Variants in RYR2 observed in about 807,000 individuals in gnomAD.
The protein encoded by RYR2 is ryanodine receptor 2, also known as cardiac muscle ryanodine receptor-calcium release channel.
Under a neutral mutation model 601.1 loss-of-function variants are expected in RYR2, and 227 were observed. That is an observed-to-expected ratio of 0.38 (90% CI 0.34 to 0.42). The LOEUF is 0.42. RYR2 is among the 10% of genes least tolerant of loss of function. The probability of loss-of-function intolerance (pLI) is 1.00; values close to 1 mark genes in which losing one functional copy is unlikely to be tolerated. For synonymous variants in RYR2, 2,223 were observed against 2,175.1 expected (o/e 1.02, Z -0.61); for missense variants, 4,646 against 6,156.5 (o/e 0.75, Z 8.21).
chr1:237,667,151 TG>T (rs1684399468), intron 57 of RYR2, among the ~76,000 whole-genome samples: 1 of 152,172 alleles, frequency 6.6e-6, no homozygotes, highest in Non-Finnish European at 1.5e-5. Context: ...GAACCTACTT[TG>T]AAATAGCAGA....
intron 87 of RYR2, among the ~76,000 whole-genome samples, chr1:237,778,165 C>A (rs1694811238): frequency 6.6e-6 from 1 of 152,090 alleles, no homozygotes; most frequent in African/African-American, 2.4e-5. Flanking sequence ...ATTGGTTGTA[C>A]CATTTGTAAA....
intron 14 of RYR2, among the ~76,000 whole-genome samples, chr1:237,452,095 G>A (rs61361073): frequency 0.041 from 6,076 of 146,990 alleles, 163 homozygotes; most frequent in East Asian, 0.098. Flanking sequence ...GTGTGTGTGT[G>A]TGTGTGTGTG....
Position 237,577,672 on chromosome 1 carries a change from C to T in RYR2, c.3598+8353C>T, listed in dbSNP as rs1019876410. On this transcript the variant is annotated intron_variant, in intron 29 of 104. Coordinates refer to ENST00000366574, the MANE Select transcript of RYR2 (RefSeq NM_001035.3). Reference sequence around the variant, plus strand: ...CAGGGCCTCCAGAAGGAACTCAGCCCTGTTGAGCAATAGGTTGGTAGATAC... The same window carrying T: ...CAGGGCCTCCAGAAGGAACTCAGCCTTGTTGAGCAATAGGTTGGTAGATAC... Among the ~76,000 whole-genome samples the T allele has an allele frequency of 1.6e-4, 25 of 151,524 alleles. No individual in the cohort carries two copies. The East Asian group carries it at 2.2e-3, about 13-fold the overall frequency.
rs548264850 is a variant in RYR2, at chr1:237,097,518, T to C, written c.48+54949T>C. ...GTAAGTCTGGCCTCTGGGTCTCTGG[T>C]ATATTTACAAAGATTTAAACGTAAT... On this transcript the variant is annotated intron_variant, in intron 1 of 104. Coordinates refer to ENST00000366574, the MANE Select transcript of RYR2 (RefSeq NM_001035.3). Among the ~76,000 whole-genome samples, 134 of 152,332 alleles carry C rather than the reference T, an allele frequency of 8.8e-4. 2 individuals carry two copies. The highest frequency in any genetic ancestry group is 6.8e-3 in the Middle Eastern group (2 of 294).
In RYR2 at chr1:237,614,304, A is replaced by G. The variant is rs764065333; in HGVS notation, c.5176A>G (p.Ile1726Val). Reference sequence around the variant, plus strand: ...CAGGCTCATGATGAACAACGAGTACATTGTCCCCATGACGGAGGAGACGAA... The same window carrying G: ...CAGGCTCATGATGAACAACGAGTACGTTGTCCCCATGACGGAGGAGACGAA... ...TARLMMNNEY[I>V]VPMTEETKSI... Residue 1726 changes from isoleucine to valine, a missense_variant, in exon 37 of 105, where the codon ATT becomes GTT. Around this residue, in one of 17 missense-constraint regions of RYR2, gnomAD observed 1,807 missense variants for 2,088.1 expected, o/e 0.87. Coordinates refer to ENST00000366574, the MANE Select transcript of RYR2 (RefSeq NM_001035.3). This position sits in a 1 kb window ranked among gnomAD's most constrained non-coding sequence, Gnocchi z 4.3. The G allele has an allele frequency of 4.3e-6, 7 of 1,614,024 alleles. No individual in the cohort carries two copies. Among genetic ancestry groups the G allele is most frequent in the Non-Finnish European group, 5.9e-6 (7 of 1,179,898 alleles).
intron 84 of RYR2, among the ~76,000 whole-genome samples, chr1:237,767,192 G>C (rs1408245376): frequency 6.6e-6 from 1 of 152,086 alleles, no homozygotes; most frequent in African/African-American, 2.4e-5. Flanking sequence ...GTTTTCCTTT[G>C]ATTCTTAAAT....
At chr1:237,761,951 T>C (rs1260970356) in intron 84 of RYR2, among the ~76,000 whole-genome samples, 2 of 152,212 alleles carry the variant, frequency 1.3e-5, no homozygotes, top group Non-Finnish European at 2.9e-5. Flanking sequence ...TTTATTTCTC[T>C]GAAATATTTT....
intron 84 of RYR2, among the ~76,000 whole-genome samples, chr1:237,761,909 T>A (rs1693461477): frequency 6.6e-6 from 1 of 152,190 alleles, no homozygotes; most frequent in Non-Finnish European, 1.5e-5. Flanking sequence ...CAAAAAATAA[T>A]TTTTTCTCCC....
chr1:237,160,792 A>C (rs968592366), intron 1 of RYR2, among the ~76,000 whole-genome samples: 3 of 152,156 alleles, frequency 2.0e-5, no homozygotes, highest in Admixed American at 6.5e-5. Flanking sequence ...TAAGAAACTA[A>C]GAGTTGATTC....
chr1:237,690,872 C>G (rs1404119050), intron 63 of RYR2, among the ~76,000 whole-genome samples: 1 of 152,114 alleles, frequency 6.6e-6, no homozygotes, highest in Non-Finnish European at 1.5e-5. Flanking sequence ...ACACCCATTT[C>G]CAGAATGAAT....
At chr1:237,649,785 G>T in intron 49 of RYR2, 92 bp from the exon 50 acceptor site, 1 of 1,025,048 alleles carries the variant, frequency 9.8e-7, no homozygotes, top group Admixed American at 2.1e-5. Flanking sequence ...ATCATCTTCC[G>T]GATAGTGAAA....
chr1:237,703,744 G>T (rs1425521239), intron 66 of RYR2, among the ~76,000 whole-genome samples: 1 of 151,268 alleles, frequency 6.6e-6, no homozygotes, highest in Non-Finnish European at 1.5e-5. Flanking sequence ...CTTCCCCTTA[G>T]TTTTATTATT....
chr1:237,651,741 A>G (rs1682752444), intron 51 of RYR2, among the ~76,000 whole-genome samples: 2 of 152,186 alleles, frequency 1.3e-5, no homozygotes, highest in African/African-American at 2.4e-5. Context: ...AATCAATTGA[A>G]AAAAAAGGAC....
intron 1 of RYR2, among the ~76,000 whole-genome samples, chr1:237,198,882 G>A (rs1350274337): frequency 3.3e-5 from 5 of 150,818 alleles, no homozygotes; most frequent in Admixed American, 6.6e-5. Context: ...TAGTCCATGC[G>A]TGAATTAAGA....
chr1:237,638,938 T>G, intron 45 of RYR2, 77 bp from the exon 46 acceptor site: 1 of 1,478,830 alleles, frequency 6.8e-7, no homozygotes, highest in South Asian at 1.2e-5. Flanking sequence ...ACATAGGAAA[T>G]GATTAGTATA....
At chr1:237,190,655 G>T (rs1015463114) in intron 1 of RYR2, among the ~76,000 whole-genome samples, 1 of 152,112 alleles carries the variant, frequency 6.6e-6, no homozygotes, top group African/African-American at 2.4e-5. Context: ...TTATATAACA[G>T]TCACATGGTA....
chr1:237,417,344 A>C (rs1017404062), intron 11 of RYR2, among the ~76,000 whole-genome samples: 23 of 152,040 alleles, frequency 1.5e-4, no homozygotes, highest in African/African-American at 5.6e-4. Context: ...GAAATAAGCA[A>C]TAATTTTGTA....
chr1:237,352,809 C>A (rs1324339885), intron 3 of RYR2: 1 of 499,118 alleles, frequency 2.0e-6, no homozygotes, highest in Admixed American at 2.0e-5. Flanking sequence ...AGTGACAATG[C>A]AGTGCTAATG....
At chr1:237,087,038 C>T (rs1666415604) in intron 1 of RYR2, among the ~76,000 whole-genome samples, 1 of 152,126 alleles carries the variant, frequency 6.6e-6, no homozygotes, top group Admixed American at 6.5e-5. Context: ...TTTTCATGGC[C>T]ACTGACCTTG....
Sources: allele counts gnomAD v4.1 joint callset (sites outside exome capture counted in the v4.1 genomes callset), GRCh38; gene constraint gnomAD v4.1.1; regional missense constraint gnomAD v4.1.1; non-coding constraint Gnocchi (gnomAD v3.1); transcripts MANE v1.5; gene names NCBI Gene and HGNC (gene_info 2026-07-23, HGNC 2026-07-21).